Variants in AK5 observed in about 807,000 individuals in gnomAD.
The protein encoded by AK5 is adenylate kinase isoenzyme 5.
In AK5, 27 loss-of-function variants were observed where a neutral mutation model predicts 69.5. The observed-to-expected ratio is 0.39, with a 90% CI of 0.29 to 0.54. AK5 has a LOEUF of 0.54. Ranked by LOEUF, AK5 falls within the 20% of genes least tolerant of loss-of-function variation. AK5 has a pLI of 0.71. For synonymous variants in AK5, 260 were observed against 244.4 expected (o/e 1.06, Z -0.60); for missense variants, 531 against 700.4 (o/e 0.76, Z 2.73).
chr1:77,477,281 G>A (rs1655004428), intron 8 of AK5, among the ~76,000 whole-genome samples: 1 of 152,114 alleles, frequency 6.6e-6, no homozygotes, highest in Non-Finnish European at 1.5e-5. Flanking sequence ...TCCCTCCTTG[G>A]CCTTCCAAAG....
intron 8 of AK5, among the ~76,000 whole-genome samples, chr1:77,458,714 T>C (rs1282970016): frequency 6.6e-6 from 1 of 152,184 alleles, no homozygotes; most frequent in African/African-American, 2.4e-5. Flanking sequence ...ACCCCCAGGA[T>C]TCAATTATCT....
rs919264367 is a variant in AK5, at chr1:77,558,883, C to T, written c.*213C>T. On this transcript the variant is annotated 3_prime_UTR_variant, in exon 14 of 14. Transcript: ENST00000354567. Reference sequence around the variant, plus strand: ...ATTTGGGACTATATCAACCTATTCTCCACACTTCAGACAACTGTCTGCACT... The same window carrying T: ...ATTTGGGACTATATCAACCTATTCTTCACACTTCAGACAACTGTCTGCACT... The T allele has an allele frequency of 9.5e-6, 5 of 524,900 alleles. No homozygotes were observed. The highest frequency in any genetic ancestry group is 1.7e-5 in the Non-Finnish European group (5 of 286,744). 32.5% of individuals were successfully genotyped at this position (524,900 alleles called of 1,614,324 possible).
intron 10 of AK5, 103 bp from the exon 11 acceptor site, chr1:77,518,461 T>A: frequency 8.1e-7 from 1 of 1,236,676 alleles, no homozygotes; most frequent in Non-Finnish European, 1.1e-6. Flanking sequence ...TCCCAATACA[T>A]GCTTAGTGAC....
In AK5 at chr1:77,483,327, A is replaced by G. The variant is rs780834155; in HGVS notation, c.1070A>G (p.Gln357Arg). 9 of 1,611,636 alleles carry G rather than the reference A, an allele frequency of 5.6e-6. No homozygotes were observed. In the South Asian group the frequency reaches 9.9e-5, roughly 18 times the overall value. The change falls in exon 9 of 14, where the codon CAG (glutamine) becomes CGG (arginine). Residue 357 changes from glutamine to arginine, a missense_variant. By Grantham distance (43) the Gln-to-Arg change is conservative (BLOSUM62 1). Transcript: ENST00000354567. Reference protein sequence around the residue: ...GSDYEDQGDDQLNVFGEDTMG... With the variant: ...GSDYEDQGDDRLNVFGEDTMG... Reference sequence around the variant, plus strand: ...TGATTTTTTTAACAGGGTGATGACCAGTTAAATGTATTTGGAGAGGACACT... The same window carrying G: ...TGATTTTTTTAACAGGGTGATGACCGGTTAAATGTATTTGGAGAGGACACT...
chr1:77,488,722 G>A (rs925608082), intron 10 of AK5, among the ~76,000 whole-genome samples: 3 of 152,146 alleles, frequency 2.0e-5, no homozygotes, highest in African/African-American at 7.2e-5. Context: ...GGGTAGGCCA[G>A]TCTCTCCTTT....
At chr1:77,443,772 AT>A (rs1340332768) in intron 8 of AK5, among the ~76,000 whole-genome samples, 3 of 150,780 alleles carry the variant, frequency 2.0e-5, no homozygotes, top group Non-Finnish European at 2.9e-5. Flanking sequence ...CAAGAAAAAT[AT>A]TTTTTTCTAA....
intron 8 of AK5, among the ~76,000 whole-genome samples, chr1:77,428,074 G>A (rs1227746194): frequency 6.6e-6 from 1 of 152,130 alleles, no homozygotes; most frequent in Non-Finnish European, 1.5e-5. Flanking sequence ...GATGAGATGG[G>A]ACAGAACCTC....
intron 5 of AK5, among the ~76,000 whole-genome samples, chr1:77,328,672 C>T (rs770974341): frequency 7.2e-5 from 11 of 152,100 alleles, no homozygotes; most frequent in South Asian, 6.2e-4. Flanking sequence ...AATCCACTAA[C>T]GATATACTCT....
intron 5 of AK5, among the ~76,000 whole-genome samples, chr1:77,312,130 A>G (rs751036381): frequency 1.1e-4 from 17 of 152,174 alleles, no homozygotes; most frequent in Non-Finnish European, 2.2e-4. Flanking sequence ...AGTGCCAGGC[A>G]CCTAGCTGTG....
chr1:77,322,001 T>C (rs72679514), intron 5 of AK5, among the ~76,000 whole-genome samples: 10,107 of 152,272 alleles, frequency 0.066, 470 homozygotes, highest in East Asian at 0.2. Flanking sequence ...AATTTTTATG[T>C]ACTATGAAAA....
intron 8 of AK5, among the ~76,000 whole-genome samples, chr1:77,454,489 G>A (rs1165153821): frequency 6.6e-6 from 1 of 152,006 alleles, no homozygotes. Context: ...TTAATTATTT[G>A]TATTTTCATC....
intron 6 of AK5, among the ~76,000 whole-genome samples, chr1:77,387,998 T>C (rs998818046): frequency 1.3e-5 from 2 of 152,244 alleles, no homozygotes; most frequent in Non-Finnish European, 2.9e-5. Context: ...TGTCTAACAT[T>C]GATTTCTCAG....
intron 6 of AK5, among the ~76,000 whole-genome samples, chr1:77,394,274 T>C (rs534418209): frequency 3.9e-5 from 6 of 152,050 alleles, no homozygotes; most frequent in African/African-American, 1.4e-4. Flanking sequence ...TTGTGATTCA[T>C]GAATTCTTGT....
intron 8 of AK5, among the ~76,000 whole-genome samples, chr1:77,477,375 C>G (rs928666714): frequency 3.3e-5 from 5 of 152,080 alleles, no homozygotes; most frequent in Non-Finnish European, 7.4e-5. Flanking sequence ...GATTCTGCCC[C>G]TCAATGAAGT....
At chr1:77,477,027 T>TGC (rs1241222556) in intron 8 of AK5, among the ~76,000 whole-genome samples, 2 of 151,300 alleles carry the variant, frequency 1.3e-5, no homozygotes, top group Non-Finnish European at 2.9e-5. Context: ...TGTGTGTGTG[T>TGC]GTGCGTGTGT....
intron 8 of AK5, among the ~76,000 whole-genome samples, chr1:77,451,370 T>C (rs1653141303): frequency 6.6e-6 from 1 of 152,224 alleles, no homozygotes; most frequent in South Asian, 2.1e-4. Context: ...CAAATAATTT[T>C]TGTAAACACA....
chr1:77,344,772 T>C (rs1320654827), intron 6 of AK5, among the ~76,000 whole-genome samples: 2 of 152,172 alleles, frequency 1.3e-5, no homozygotes, highest in East Asian at 3.9e-4. Flanking sequence ...TGTACATGAA[T>C]AAGTTCTTTA....
chr1:77,375,207 G>A (rs953661446), intron 6 of AK5, among the ~76,000 whole-genome samples: 4 of 152,174 alleles, frequency 2.6e-5, no homozygotes, highest in African/African-American at 7.2e-5. Flanking sequence ...CAGACCTTAC[G>A]CTCATGATAC....
chr1:77,438,294 CAAAAAAAAAAAAAAAAA>C (rs56019139), intron 8 of AK5, among the ~76,000 whole-genome samples: 10 of 52,802 alleles, frequency 1.9e-4, no homozygotes, highest in South Asian at 7.8e-4. Context: ...ATATTTGGTA[CAAAAAAAAAAAAAAAAA>C]AAAAAAAAAA....
Sources: gnomAD v4.1 joint callset for allele counts (sites outside exome capture counted in the v4.1 genomes callset) on GRCh38, gnomAD v4.1.1 for gene constraint, MANE v1.5 for transcripts, NCBI Gene and HGNC (gene_info 2026-07-23, HGNC 2026-07-21) for gene names.